Variants in LUZP2 observed in about 807,000 individuals in gnomAD.
The protein encoded by LUZP2 is leucine zipper protein 2.
Under a neutral mutation model 51.6 loss-of-function variants are expected in LUZP2, and 52 were observed. The observed-to-expected ratio is 1.01, with a 90% CI of 0.81 to 1.27. LUZP2 has a LOEUF of 1.27. LUZP2 is among the 50% of genes most tolerant of loss of function. The pLI, the probability that LUZP2 is intolerant of heterozygous loss-of-function variation, is 0.00. For missense variants in LUZP2, 436 were observed against 395.4 expected (o/e 1.10, Z -0.87); for synonymous variants, 154 against 137.3 (o/e 1.12, Z -0.85).
At chr11:24,788,467 C>T (rs190351470) in intron 5 of LUZP2, among the ~76,000 whole-genome samples, 1,801 of 152,060 alleles carry the variant, frequency 0.012, 20 homozygotes, top group Admixed American at 0.019. Context: ...GGATTACAGG[C>T]GTAAGCCACT....
At chr11:24,598,044 T>C (rs540997223) in intron 1 of LUZP2, among the ~76,000 whole-genome samples, 211 of 150,018 alleles carry the variant, frequency 1.4e-3, no homozygotes, top group African/African-American at 5.0e-3. Flanking sequence ...GAGGTTGCGG[T>C]GAGCAGAGAT....
chr11:24,891,490 A>G, intron 5 of LUZP2: 1 of 954,892 alleles, frequency 1.0e-6, no homozygotes, highest in Non-Finnish European at 1.2e-6. Flanking sequence ...ATAAAGCTAT[A>G]TTATTATACT....
intron 5 of LUZP2, among the ~76,000 whole-genome samples, chr11:24,782,846 C>A (rs191842442): frequency 2.8e-4 from 42 of 152,088 alleles, no homozygotes; most frequent in African/African-American, 9.4e-4. Context: ...TAATGACAAG[C>A]CTTTTATATA....
intron 1 of LUZP2, among the ~76,000 whole-genome samples, chr11:24,513,115 T>G (rs1436039616): frequency 6.6e-6 from 1 of 152,218 alleles, no homozygotes; most frequent in African/African-American, 2.4e-5. Context: ...TTAATTACTA[T>G]TATTTTAAGA....
intron 1 of LUZP2, among the ~76,000 whole-genome samples, chr11:24,615,515 G>C (rs927037223): frequency 1.3e-5 from 2 of 151,922 alleles, no homozygotes; most frequent in Non-Finnish European, 2.9e-5. Context: ...CTGAGAATTT[G>C]GATGTACCAG....
chr11:24,844,418 C>A (rs1010609025), intron 5 of LUZP2, among the ~76,000 whole-genome samples: 7 of 152,082 alleles, frequency 4.6e-5, no homozygotes, highest in Non-Finnish European at 7.4e-5. Flanking sequence ...GACTTGGATG[C>A]TGTTAATGGC....
chr11:24,621,902 T>C (rs1375637814), intron 1 of LUZP2, among the ~76,000 whole-genome samples: 1 of 151,948 alleles, frequency 6.6e-6, no homozygotes, highest in Non-Finnish European at 1.5e-5. Flanking sequence ...TCTCTTCTTT[T>C]TCTCTTTACA....
intron 4 of LUZP2, among the ~76,000 whole-genome samples, chr11:24,759,525 T>C (rs932068311): frequency 3.3e-5 from 5 of 152,176 alleles, no homozygotes; most frequent in African/African-American, 1.2e-4. Flanking sequence ...CATGGTAATG[T>C]ATTTTCATTA....
intron 1 of LUZP2, among the ~76,000 whole-genome samples, chr11:24,709,277 A>G (rs1307067264): frequency 6.6e-6 from 1 of 152,182 alleles, no homozygotes; most frequent in Non-Finnish European, 1.5e-5. Context: ...TGATTAGGTT[A>G]CCAACTATAT....
At chr11:24,946,822 T>TTTTG (rs1458828552) in intron 7 of LUZP2, among the ~76,000 whole-genome samples, 9 of 151,972 alleles carry the variant, frequency 5.9e-5, no homozygotes, top group African/African-American at 2.2e-4. Flanking sequence ...GTTACTCCAA[T>TTTTG]TTAGCTATTT....
intron 1 of LUZP2, among the ~76,000 whole-genome samples, chr11:24,622,534 G>A (rs1033813657): frequency 2.0e-5 from 3 of 152,098 alleles, no homozygotes; most frequent in African/African-American, 7.2e-5. Flanking sequence ...TATTCAGGTA[G>A]ATTTTTTAGG....
chr11:25,072,403 T>C (rs746567740), intron 10 of LUZP2, among the ~76,000 whole-genome samples: 167 of 152,148 alleles, frequency 1.1e-3, no homozygotes, highest in Non-Finnish European at 2.1e-3. Context: ...GAATGAATGA[T>C]TAAAGTATAG....
chr11:24,913,475 A>T (rs552225290), intron 6 of LUZP2, among the ~76,000 whole-genome samples: 6 of 152,280 alleles, frequency 3.9e-5, no homozygotes, highest in African/African-American at 1.4e-4. Context: ...TAAAGATGCC[A>T]TAAGCATTTT....
At chr11:25,073,563 A>AT (rs5790453) in intron 10 of LUZP2, among the ~76,000 whole-genome samples, 136,581 of 151,950 alleles carry the variant, frequency 0.9, 62,388 homozygotes, top group Non-Finnish European at 0.98. Context: ...TTTTAATTTT[A>AT]TTTTTTTCTT....
At chr11:24,734,254 G>A (rs147922643) in intron 3 of LUZP2, among the ~76,000 whole-genome samples, 579 of 59,450 alleles carry the variant, frequency 9.7e-3, no homozygotes, top group Non-Finnish European at 0.017. Context: ...GGAGGGACGC[G>A]GATGAGGAGA....
intron 5 of LUZP2, among the ~76,000 whole-genome samples, chr11:24,874,096 G>A (rs1019810843): frequency 6.6e-6 from 1 of 152,172 alleles, no homozygotes; most frequent in Non-Finnish European, 1.5e-5. Context: ...CAGCTTTACA[G>A]TGGTTTTAAA....
chr11:24,783,193 A>G (rs1309341469), intron 5 of LUZP2, among the ~76,000 whole-genome samples: 2 of 152,022 alleles, frequency 1.3e-5, no homozygotes, highest in Non-Finnish European at 2.9e-5. Flanking sequence ...GCTGCAAGAA[A>G]ATAAACTTCT....
At chr11:25,026,552 A>T (rs560817561) in intron 9 of LUZP2, among the ~76,000 whole-genome samples, 2 of 152,206 alleles carry the variant, frequency 1.3e-5, no homozygotes, top group South Asian at 4.1e-4. Context: ...TTTTCTAATT[A>T]ATTTTTACAA....
chr11:24,545,164 T>C (rs1851501116), intron 1 of LUZP2, among the ~76,000 whole-genome samples: 1 of 151,500 alleles, frequency 6.6e-6, no homozygotes, highest in Non-Finnish European at 1.5e-5. Context: ...TAATAGAAGT[T>C]GGATACTAGA....
Sources: allele counts gnomAD v4.1 joint callset (sites outside exome capture counted in the v4.1 genomes callset), GRCh38; gene constraint gnomAD v4.1.1; transcripts MANE v1.5; gene names NCBI Gene and HGNC (gene_info 2026-07-23, HGNC 2026-07-21).